DNAH5: variants seen among roughly 807,000 people sequenced by gnomAD.
DNAH5 encodes axonemal beta dynein heavy chain 5.
DNAH5 carries 372 observed loss-of-function variants against 518.2 expected under a neutral mutation model. The ratio of observed to expected loss-of-function variants is 0.72; its 90% CI spans 0.66 to 0.78. The LOEUF is 0.78. DNAH5 is among the 30% of genes least tolerant of loss of function. DNAH5 has a pLI of 0.00. For synonymous variants in DNAH5, 2,039 were observed against 2,025.9 expected, an observed-to-expected ratio of 1.01 and a Z score of -0.17; for missense variants, 5,523 against 5,687.0, an observed-to-expected ratio of 0.97 and a Z score of 0.93.
chr5:13,898,702 T>C (rs1292663673), intron 15 of DNAH5: 1 of 398,340 alleles, frequency 2.5e-6, no homozygotes, highest in Non-Finnish European at 4.4e-6. Flanking sequence ...GATGAAATAA[T>C]GAGCATGAAA....
At chr5:13,810,873 T>A (rs1181802108) in intron 44 of DNAH5, among the ~76,000 whole-genome samples, 1 of 152,020 alleles carries the variant, frequency 6.6e-6, no homozygotes, top group Non-Finnish European at 1.5e-5. Flanking sequence ...AAGTGCTACA[T>A]ACACACAAGG....
At chr5:13,798,859 C>T (rs926520237) in intron 47 of DNAH5, among the ~76,000 whole-genome samples, 3 of 151,536 alleles carry the variant, frequency 2.0e-5, no homozygotes, top group East Asian at 1.9e-4. Context: ...CTTTGCCTCC[C>T]GGGTTCAAGC....
rs1026473277 is a variant in DNAH5, at chr5:13,923,361, G to T, written c.357C>A (p.Asn119Lys). 8 of 1,614,134 alleles carry T rather than the reference G, an allele frequency of 5.0e-6. No individual in the cohort carries two copies. The highest frequency in any genetic ancestry group is 5.9e-6 in the Non-Finnish European group (7 of 1,180,002). Residue 119 changes from asparagine to lysine, a missense_variant, in exon 4 of 79, where the codon AAC becomes AAA. Physicochemically the swap from Asn to Lys is moderately conservative, Grantham distance 94. Coordinates refer to ENST00000265104, the MANE Select transcript of DNAH5 (RefSeq NM_001369.3). ...KKPKVFVTEG[N>K]DVALTGVCVF... ...CACATACCCCAGTAAGAGCCACATCGTTTCCCTCGGTCACGAACACCTTAG... is the reference window on the plus strand; with the variant it reads ...CACATACCCCAGTAAGAGCCACATCTTTTCCCTCGGTCACGAACACCTTAG...
intron 55 of DNAH5, among the ~76,000 whole-genome samples, chr5:13,775,517 G>C (rs908901000): frequency 6.6e-6 from 1 of 151,196 alleles, no homozygotes; most frequent in Non-Finnish European, 1.5e-5. Flanking sequence ...GAGAAATACA[G>C]ATAGATAGAT....
At chr5:13,694,564 C>A (rs965723017) in intron 78 of DNAH5, among the ~76,000 whole-genome samples, 4 of 152,162 alleles carry the variant, frequency 2.6e-5, no homozygotes, top group Non-Finnish European at 5.9e-5. Context: ...GCAAGCCATA[C>A]CCTTTAGGAT....
chr5:13,725,604 A>G (rs1032501667), intron 70 of DNAH5, among the ~76,000 whole-genome samples: 7 of 152,148 alleles, frequency 4.6e-5, no homozygotes, highest in African/African-American at 7.2e-5. Flanking sequence ...TCAGCCTTTC[A>G]ATGGGGGAGA....
chr5:14,008,852 T>C (rs966196195), intron 1 of DNAH5, among the ~76,000 whole-genome samples: 1 of 152,188 alleles, frequency 6.6e-6, no homozygotes, highest in Non-Finnish European at 1.5e-5. Context: ...TCCTAAGCAT[T>C]TTCTCTAGAG....
intron 65 of DNAH5, among the ~76,000 whole-genome samples, chr5:13,741,989 C>T (rs1048880699): frequency 2.6e-5 from 4 of 152,136 alleles, no homozygotes; most frequent in Non-Finnish European, 4.4e-5. Context: ...CTCAAAATGT[C>T]TCTTCCCTTC....
chr5:13,859,622 G>A lies in DNAH5; in HGVS notation c.4797-17C>T, dbSNP rs1344032934. On this transcript the variant is annotated splice_polypyrimidine_tract_variant and intron_variant, in intron 29 of 78. Coordinates refer to ENST00000265104, the MANE Select transcript of DNAH5 (RefSeq NM_001369.3). ...ATATTGTACCTAAAATAAGAAATAG[G>A]TTTAGGGTTTGGTTTTGTTTTTGTT... 6.2e-7 allele frequency: 1 copy of A among 1,612,856 alleles called. No homozygotes were observed.
At chr5:13,781,424 A>G (rs1395169826) in intron 52 of DNAH5, among the ~76,000 whole-genome samples, 3 of 152,048 alleles carry the variant, frequency 2.0e-5, no homozygotes, top group African/African-American at 4.8e-5. Flanking sequence ...AATTGAAGGG[A>G]AGAAAAACCC....
intron 17 of DNAH5, 94 bp downstream of exon 17, chr5:13,890,882 G>GA (rs1773127941): frequency 4.2e-6 from 6 of 1,435,504 alleles, no homozygotes; most frequent in Admixed American, 1.8e-5. Context: ...TGCAAGTAGA[G>GA]AAAAAAATCT....
At chr5:13,766,275 G>A in intron 58 of DNAH5, 96 bp from the exon 59 acceptor site, 1 of 1,382,224 alleles carries the variant, frequency 7.2e-7, no homozygotes, top group African/African-American at 1.4e-5. Context: ...ACAGAGGACA[G>A]AAAACTGTTT....
rs113335734 is a variant in DNAH5 at position 13,859,189 on chromosome 5, C to T, written c.4950+263G>A. 1.9e-3 allele frequency among the ~76,000 whole-genome samples: 287 copies of T among 152,190 alleles called. 1 individual carries two copies. Among genetic ancestry groups the T allele is most frequent in the African/African-American group, 6.2e-3 (259 of 41,510 alleles). ...TATCTAAAGAAGCATATCAATTATG[C>T]GACCACTTATTTTTTGTTTTTTTAA... On this transcript the variant is annotated intron_variant, in intron 30 of 78. Coordinates refer to ENST00000265104, the MANE Select transcript of DNAH5 (RefSeq NM_001369.3).
intron 24 of DNAH5, among the ~76,000 whole-genome samples, chr5:13,869,367 A>G (rs1406433793): frequency 6.6e-6 from 1 of 152,118 alleles, no homozygotes; most frequent in Non-Finnish European, 1.5e-5. Context: ...TTTAAAAATA[A>G]CAAATATAGT....
chr5:13,871,509 G>C, intron 23 of DNAH5, 55 bp downstream of exon 23: 2 of 1,429,504 alleles, frequency 1.4e-6, no homozygotes, highest in Non-Finnish European at 2.0e-6. Context: ...TCTAGGTAAA[G>C]AGGCAGAACA....
chr5:13,810,421 T>A, intron 44 of DNAH5, 161 bp from the exon 45 acceptor site: 1 of 703,734 alleles, frequency 1.4e-6, no homozygotes, highest in Non-Finnish European at 2.5e-6. Flanking sequence ...AGAACTGATC[T>A]CTGAGAATAG....
intron 38 of DNAH5, among the ~76,000 whole-genome samples, chr5:13,827,183 G>T (rs371579291): frequency 1.3e-5 from 2 of 152,148 alleles, no homozygotes; most frequent in Admixed American, 6.5e-5. Context: ...AGAGGAAGCA[G>T]AGCATAAAAG....
chr5:13,821,413 G>T (rs77542497), intron 40 of DNAH5, among the ~76,000 whole-genome samples: 62,492 of 151,750 alleles, frequency 0.41, 13,140 homozygotes, highest in East Asian at 0.61. Context: ...GTTACTCTGT[G>T]CCAAATATTA....
At chr5:13,887,047 T>A (rs895735072) in intron 17 of DNAH5, among the ~76,000 whole-genome samples, 1 of 152,208 alleles carries the variant, frequency 6.6e-6, no homozygotes, top group Non-Finnish European at 1.5e-5. Context: ...GTAAACTAAC[T>A]CCTCAATTCT....
Sources: allele counts gnomAD v4.1 joint callset (sites outside exome capture counted in the v4.1 genomes callset), GRCh38; gene constraint gnomAD v4.1.1; transcripts MANE v1.5; gene names NCBI Gene and HGNC (gene_info 2026-07-23, HGNC 2026-07-21).